Variants in LCMT1 observed in about 807,000 individuals in gnomAD.
The protein encoded by LCMT1 is leucine carboxyl methyltransferase 1.
Under a neutral mutation model 47.7 loss-of-function variants are expected in LCMT1, and 32 were observed. The observed-to-expected ratio is 0.67, with a 90% confidence interval of 0.51 to 0.90. LCMT1 has a LOEUF of 0.90. Among genes scored for constraint, LCMT1 ranks in the 40% least tolerant of loss-of-function variants. LCMT1 has a pLI of 0.00. For missense variants in LCMT1, 375 were observed against 415.2 expected (o/e 0.90, Z 0.84); for synonymous variants, 152 against 149.7 (o/e 1.02, Z -0.11).
At chr16:25,131,612 C>A (rs73563432) in intron 2 of LCMT1, among the ~76,000 whole-genome samples, 1 of 152,196 alleles carries the variant, frequency 6.6e-6, no homozygotes, top group African/African-American at 2.4e-5. Flanking sequence ...TAGTCACATA[C>A]TGTTAACAGC....
At chr16:25,132,652 C>T (rs1048609914) in intron 3 of LCMT1, 129 bp downstream of exon 3, 22 of 938,276 alleles carry the variant, frequency 2.3e-5, no homozygotes, top group Middle Eastern at 5.3e-4. Context: ...CCTGTCCCAT[C>T]TGCCTAGATG....
At chr16:25,139,458 T>G (rs1960610481) in intron 3 of LCMT1, among the ~76,000 whole-genome samples, 2 of 151,608 alleles carry the variant, frequency 1.3e-5, no homozygotes, top group South Asian at 4.2e-4. Flanking sequence ...TGCAGTGAGC[T>G]GAGATCATGT....
chr16:25,123,817 C>T (rs1031310857), intron 1 of LCMT1, among the ~76,000 whole-genome samples: 1 of 151,960 alleles, frequency 6.6e-6, no homozygotes, highest in Admixed American at 6.6e-5. Context: ...CCATGTTGGC[C>T]AGGCTGGTCT....
intron 8 of LCMT1, among the ~76,000 whole-genome samples, chr16:25,170,102 C>T (rs1262308401): frequency 6.6e-6 from 1 of 152,044 alleles, no homozygotes; most frequent in Non-Finnish European, 1.5e-5. Flanking sequence ...CACCTGTAAT[C>T]CCAGCTACTT....
Position 25,111,927 on chromosome 16 carries a change from C to A in LCMT1, c.44C>A (p.Ser15Tyr), listed in dbSNP as rs1303186459. Residue 15 changes from serine to tyrosine, a missense_variant, in exon 1 of 11, where the codon TCC (serine) becomes TAC (tyrosine). Physicochemically the swap from Ser to Tyr is moderately radical, Grantham distance 144. Coordinates refer to ENST00000399069, the MANE Select transcript of LCMT1 (RefSeq NM_016309.3). ...GAATCCTCTATCACCTCCTGCTGTT[C>A]CACCTCGAGCTGCGACGCAGACGAC... is the stretch of plus-strand genomic sequence containing the variant. ...QRESSITSCCSTSSCDADDEG... is the reference protein window; with the variant it reads ...QRESSITSCCYTSSCDADDEG... 6.2e-7 allele frequency: 1 copy of A among 1,613,618 alleles called. No individual in the cohort carries two copies. The highest frequency in any genetic ancestry group is 8.5e-7 in the Non-Finnish European group (1 of 1,179,742).
intron 9 of LCMT1, among the ~76,000 whole-genome samples, chr16:25,173,702 A>G (rs140699620): frequency 6.8e-6 from 1 of 147,682 alleles, no homozygotes; most frequent in African/African-American, 2.5e-5. Flanking sequence ...ATTTTGACAG[A>G]AACTTTTTTT....
At chr16:25,174,547 A>G (rs1460280903) in intron 9 of LCMT1, among the ~76,000 whole-genome samples, 1 of 152,134 alleles carries the variant, frequency 6.6e-6, no homozygotes, top group Non-Finnish European at 1.5e-5. Context: ...ATACGTATGG[A>G]CCTACCCCAT....
intron 3 of LCMT1, among the ~76,000 whole-genome samples, chr16:25,136,014 C>T (rs1960492895): frequency 6.6e-6 from 1 of 151,496 alleles, no homozygotes; most frequent in South Asian, 2.1e-4. Context: ...TCACCTGAGC[C>T]CCGGAGGTCG....
chr16:25,133,909 G>A (rs888317241), intron 3 of LCMT1, among the ~76,000 whole-genome samples: 27 of 151,568 alleles, frequency 1.8e-4, no homozygotes, highest in Non-Finnish European at 1.0e-4. Context: ...GTGGGCACCC[G>A]TAATCCTAGC....
chr16:25,121,469 T>C (rs1959985416), intron 1 of LCMT1, among the ~76,000 whole-genome samples: 1 of 152,238 alleles, frequency 6.6e-6, no homozygotes, highest in African/African-American at 2.4e-5. Context: ...GGTTAATTTT[T>C]TAATCACAGA....
At chr16:25,174,312 A>G (rs887282414) in intron 9 of LCMT1, among the ~76,000 whole-genome samples, 3 of 152,098 alleles carry the variant, frequency 2.0e-5, no homozygotes, top group Admixed American at 6.5e-5. Context: ...GTATAGAGTA[A>G]AAACAACCCT....
At chr16:25,153,922 C>G (rs113946781) in intron 5 of LCMT1, among the ~76,000 whole-genome samples, 1,702 of 152,236 alleles carry the variant, frequency 0.011, 28 homozygotes, top group African/African-American at 0.039. Context: ...CGCTGCACTC[C>G]AGACTGAGTG....
rs73563430 is a variant in LCMT1, at chr16:25,131,304, C to A, written c.206-1098C>A. ...CTAACAAATGCTGCACAGGCAAAGA[C>A]CCCCACCCCACGCCCTGGCGGCACC... On this transcript the variant is annotated intron_variant, in intron 2 of 10. Transcript: ENST00000399069. Among the ~76,000 whole-genome samples, 3 of 152,378 alleles carry A rather than the reference C, an allele frequency of 2.0e-5. No homozygotes were observed. The East Asian group carries it at 5.8e-4, about 29-fold the overall frequency.
At chr16:25,130,597 G>T (rs1356444996) in intron 2 of LCMT1, among the ~76,000 whole-genome samples, 1 of 152,152 alleles carries the variant, frequency 6.6e-6, no homozygotes, top group East Asian at 1.9e-4. Context: ...AGTGAGCCAG[G>T]ATTGTACCAC....
At chr16:25,129,388 GTAT>G (rs892279019) in intron 2 of LCMT1, among the ~76,000 whole-genome samples, 7 of 151,900 alleles carry the variant, frequency 4.6e-5, no homozygotes, top group Admixed American at 2.6e-4. Context: ...TCAAAAAAAA[GTAT>G]TAATCTTCTT....
intron 6 of LCMT1, among the ~76,000 whole-genome samples, chr16:25,162,442 C>G (rs112030839): frequency 6.6e-6 from 1 of 151,284 alleles, no homozygotes; most frequent in African/African-American, 2.4e-5. Context: ...TACAAAAAAT[C>G]AGCTGGGCGT....
At chr16:25,135,295 A>C (rs549691379) in intron 3 of LCMT1, among the ~76,000 whole-genome samples, 1 of 149,486 alleles carries the variant, frequency 6.7e-6, no homozygotes, top group African/African-American at 2.4e-5. Flanking sequence ...ATATATATCT[A>C]TATATATATA....
chr16:25,137,250 T>C (rs1476802212), intron 3 of LCMT1, among the ~76,000 whole-genome samples: 1 of 152,076 alleles, frequency 6.6e-6, no homozygotes, highest in East Asian at 1.9e-4. Flanking sequence ...GCCAGGCTGG[T>C]CTCGAACTCC....
intron 8 of LCMT1, 99 bp from the exon 9 acceptor site, chr16:25,170,615 A>G (rs1036028748): frequency 1.1e-5 from 10 of 945,098 alleles, no homozygotes; most frequent in African/African-American, 1.6e-5. Context: ...GGGCAACAGA[A>G]TGAGACCTTG....
Sources: gnomAD v4.1 joint callset for allele counts (sites outside exome capture counted in the v4.1 genomes callset) on GRCh38, gnomAD v4.1.1 for gene constraint, MANE v1.5 for transcripts, NCBI Gene and HGNC (gene_info 2026-07-23, HGNC 2026-07-21) for gene names.